Variants in PTPRG observed in about 807,000 individuals in gnomAD.
PTPRG encodes receptor-type tyrosine-protein phosphatase gamma.
PTPRG carries 102 observed loss-of-function variants against 165.3 expected under a neutral mutation model. The ratio of observed to expected loss-of-function variants is 0.62; its 90% CI spans 0.53 to 0.73. The LOEUF is 0.73. Among genes scored for constraint, PTPRG ranks in the 30% least tolerant of loss-of-function variants. PTPRG has a pLI of 0.00. For missense variants in PTPRG, 1,866 were observed against 1,861.4 expected, an observed-to-expected ratio of 1.00 and a Z score of -0.05; for synonymous variants, 675 against 669.5, an observed-to-expected ratio of 1.01 and a Z score of -0.13.
intron 4 of PTPRG, among the ~76,000 whole-genome samples, chr3:62,059,174 C>T (rs62243315): frequency 0.081 from 12,298 of 152,242 alleles, 654 homozygotes; most frequent in Non-Finnish European, 0.12. Context: ...TAGTAACACC[C>T]GCTATGTAGA....
intron 5 of PTPRG, among the ~76,000 whole-genome samples, chr3:62,078,783 G>A (rs1487929703): frequency 1.3e-5 from 2 of 152,100 alleles, no homozygotes; most frequent in Admixed American, 6.5e-5. Flanking sequence ...ATATGATTGT[G>A]TTGATGAATG....
At position 61,605,392 on chromosome 3, in the gene PTPRG, A is replaced by T. The variant is rs969610823; in HGVS notation, c.85+43020A>T. 2.6e-5 allele frequency among the ~76,000 whole-genome samples: 4 copies of T among 151,704 alleles called. No individual in the cohort carries two copies. The East Asian group carries it at 7.8e-4, about 30-fold the overall frequency. ...TGCCTCAGCCTCCTGAGTAGCTGGG[A>T]TTACAGGTGCACACCACCACACCCA... On this transcript the variant is annotated intron_variant, in intron 1 of 29. Coordinates refer to ENST00000474889, the MANE Select transcript of PTPRG (RefSeq NM_002841.4).
chr3:61,716,270 G>T (rs1266184462), intron 1 of PTPRG, among the ~76,000 whole-genome samples: 13 of 152,118 alleles, frequency 8.5e-5, no homozygotes, highest in Admixed American at 8.5e-4. Flanking sequence ...GTAATTTAAT[G>T]TATTTTTTTC....
At chr3:62,149,072 C>T (rs558638554) in intron 6 of PTPRG, among the ~76,000 whole-genome samples, 7 of 152,304 alleles carry the variant, frequency 4.6e-5, no homozygotes, top group African/African-American at 1.7e-4. Flanking sequence ...AAATCATTTA[C>T]TGTGAAGCCT....
At chr3:62,069,117 G>C (rs1213686245) in intron 4 of PTPRG, among the ~76,000 whole-genome samples, 1 of 152,186 alleles carries the variant, frequency 6.6e-6, no homozygotes, top group African/African-American at 2.4e-5. Flanking sequence ...CTTACTTTAA[G>C]TATCCCTTCT....
At chr3:61,741,959 TAAC>T (rs2033004653) in intron 1 of PTPRG, among the ~76,000 whole-genome samples, 1 of 152,238 alleles carries the variant, frequency 6.6e-6, no homozygotes, top group Non-Finnish European at 1.5e-5. Flanking sequence ...ATATATTATG[TAAC>T]AACATTTATT....
In PTPRG at chr3:61,680,477, A is replaced by T. The variant is rs75898043; in HGVS notation, c.86-68401A>T. Among the ~76,000 whole-genome samples the T allele has an allele frequency of 5.3e-3, 763 of 143,866 alleles. 5 individuals are homozygous for T. The highest frequency in any genetic ancestry group is 0.019 in the African/African-American group (730 of 39,188). 94.4% of individuals were successfully genotyped at this position (143,866 alleles called of 152,430 possible). ...GAAACATCAGCGTTTTGAGGTTAAC[A>T]TGTTGGCAATTATTCAGCTTTATGA... On this transcript the variant is annotated intron_variant, in intron 1 of 29. Coordinates refer to ENST00000474889, the MANE Select transcript of PTPRG (RefSeq NM_002841.4).
intron 7 of PTPRG, among the ~76,000 whole-genome samples, chr3:62,165,331 A>G (rs1216622919): frequency 6.6e-6 from 1 of 152,228 alleles, no homozygotes; most frequent in African/African-American, 2.4e-5. Flanking sequence ...CTGAGAAATC[A>G]GAAACCTGCT....
intron 1 of PTPRG, among the ~76,000 whole-genome samples, chr3:61,714,461 A>T (rs2031714158): frequency 6.6e-6 from 1 of 152,140 alleles, no homozygotes; most frequent in Admixed American, 6.6e-5. Flanking sequence ...CCATGATGGG[A>T]CCACGAGATT....
chr3:62,244,406 C>G (rs1218681267), intron 15 of PTPRG, among the ~76,000 whole-genome samples: 1 of 152,120 alleles, frequency 6.6e-6, no homozygotes, highest in Non-Finnish European at 1.5e-5. Context: ...TGAATCCTAG[C>G]AAATGCCATA....
At chr3:61,679,639 G>T (rs1393840516) in intron 1 of PTPRG, among the ~76,000 whole-genome samples, 1 of 152,056 alleles carries the variant, frequency 6.6e-6, no homozygotes. Flanking sequence ...AAATTAGCTG[G>T]GTGTGGTGGT....
chr3:62,148,386 T>C lies in PTPRG; in HGVS notation c.683-8681T>C, dbSNP rs1576063961. On this transcript the variant is annotated intron_variant, in intron 6 of 29. Coordinates refer to ENST00000474889, the MANE Select transcript of PTPRG (RefSeq NM_002841.4). Reference sequence around the variant, plus strand: ...CGGGCCCCATGGCCACCATAAGGAGTCTGGATTTTATTCTAAATGAACCAA... The same window carrying C: ...CGGGCCCCATGGCCACCATAAGGAGCCTGGATTTTATTCTAAATGAACCAA... Among the ~76,000 whole-genome samples the C allele has an allele frequency of 2.0e-5, 3 of 151,786 alleles. No individual in the cohort carries two copies. The South Asian group carries it at 6.3e-4, about 32-fold the overall frequency.
At chr3:62,168,678 G>A (rs776183574) in intron 8 of PTPRG, among the ~76,000 whole-genome samples, 1 of 152,210 alleles carries the variant, frequency 6.6e-6, no homozygotes, top group Non-Finnish European at 1.5e-5. Context: ...GCCAGGGTGA[G>A]CTCCTTGGGG....
intron 1 of PTPRG, among the ~76,000 whole-genome samples, chr3:61,705,335 G>T (rs1328529817): frequency 6.6e-6 from 1 of 152,146 alleles, no homozygotes; most frequent in Admixed American, 6.5e-5. Flanking sequence ...GGGAGAGGGA[G>T]TTGGAGGGTG....
chr3:62,062,953 C>T (rs1436209187), intron 4 of PTPRG, among the ~76,000 whole-genome samples: 2 of 152,154 alleles, frequency 1.3e-5, no homozygotes, highest in Non-Finnish European at 2.9e-5. Flanking sequence ...CATGCCCAGC[C>T]AATTTTGTGG....
intron 4 of PTPRG, among the ~76,000 whole-genome samples, chr3:62,069,637 GTCTCTCTCTCTCTCTCTCTCTCTCTC>G (rs537162206): frequency 7.1e-6 from 1 of 141,062 alleles, no homozygotes. Flanking sequence ...TAGGATCGAT[GTCTCTCTCTCTCTCTCTCTCTCTCTC>G]TCTCTCTCTC....
At chr3:61,855,074 G>C (rs545810593) in intron 2 of PTPRG, among the ~76,000 whole-genome samples, 19 of 152,282 alleles carry the variant, frequency 1.2e-4, no homozygotes, top group African/African-American at 4.6e-4. Context: ...CGCAGTTACT[G>C]AGTGGTTCTC....
intron 8 of PTPRG, among the ~76,000 whole-genome samples, chr3:62,168,572 G>A (rs979513139): frequency 1.3e-5 from 2 of 152,194 alleles, no homozygotes; most frequent in African/African-American, 2.4e-5. Context: ...CAACAGGAAT[G>A]TGGCTCATCT....
intron 5 of PTPRG, among the ~76,000 whole-genome samples, chr3:62,130,685 TCTC>T (rs1703481869): frequency 6.6e-6 from 1 of 152,218 alleles, no homozygotes; most frequent in Non-Finnish European, 1.5e-5. Flanking sequence ...TAGGTTCTCT[TCTC>T]TTGCATTCCT....
Sources: allele counts gnomAD v4.1 joint callset (sites outside exome capture counted in the v4.1 genomes callset), GRCh38; gene constraint gnomAD v4.1.1; transcripts MANE v1.5; gene names NCBI Gene and HGNC (gene_info 2026-07-23, HGNC 2026-07-21).